Variants in CNOT4 observed in about 807,000 individuals in gnomAD.
CNOT4 encodes CCR4-associated factor 4.
Under a neutral mutation model 73.8 loss-of-function variants are expected in CNOT4, and 8 were observed. The observed-to-expected ratio is 0.11, with a 90% confidence interval of 0.06 to 0.20. The LOEUF (loss-of-function observed/expected upper bound fraction) is 0.20. Ranked by LOEUF, CNOT4 falls within the 10% of genes least tolerant of loss-of-function variation. The pLI is 1.00. For missense variants in CNOT4, 564 were observed against 883.4 expected (o/e 0.64, Z 4.58); for synonymous variants, 293 against 321.1 (o/e 0.91, Z 0.94).
At chr7:135,440,269 G>A (rs2129485419) in intron 1 of CNOT4, among the ~76,000 whole-genome samples, 2 of 140,890 alleles carry the variant, frequency 1.4e-5, no homozygotes, top group Non-Finnish European at 3.1e-5. Context: ...GTTCACAGAA[G>A]AATTACAAGT....
At chr7:135,446,438 A>C (rs918154276) in intron 1 of CNOT4, among the ~76,000 whole-genome samples, 8 of 152,224 alleles carry the variant, frequency 5.3e-5, no homozygotes, top group African/African-American at 1.7e-4. Flanking sequence ...TTTTGCCACA[A>C]TAAAAAAGTC....
rs1479025736 is a variant in CNOT4 at position 135,394,363 on chromosome 7, A to G, written c.1182T>C (p.Gly394=). The G allele has an allele frequency of 6.2e-7, 1 of 1,614,066 alleles. No individual in the cohort carries two copies. The highest frequency in any genetic ancestry group is 1.1e-5 in the South Asian group (1 of 91,072). ...STDWQAAFGF[G]SSKQPEDDLG... Reference sequence around the variant, plus strand: ...AGTCATCCTCTGGTTGTTTAGAAGAACCAAAGCCAAAAGCTGCTTGCCAGT... The same window carrying G: ...AGTCATCCTCTGGTTGTTTAGAAGAGCCAAAGCCAAAAGCTGCTTGCCAGT... Residue 394 remains glycine (G), a synonymous_variant, in exon 10 of 12, where the codon GGT becomes GGC. Transcript: ENST00000541284.
intron 1 of CNOT4, among the ~76,000 whole-genome samples, chr7:135,443,246 T>C (rs953336781): frequency 2.8e-4 from 42 of 150,900 alleles, no homozygotes; most frequent in African/African-American, 9.8e-4. Context: ...TCCCAGCTAC[T>C]TGGGAGGCTG....
rs1797694186 is a variant in CNOT4 at position 135,413,627 on chromosome 7, AG to A, written c.562-15del. The A allele has an allele frequency of 6.2e-7, 1 of 1,605,446 alleles. No homozygotes were observed. On this transcript the variant is annotated splice_polypyrimidine_tract_variant and intron_variant, in intron 5 of 11. Coordinates refer to ENST00000541284, the MANE Select transcript of CNOT4 (RefSeq NM_001190850.2). ...ACCTAGAGATGCCTGCAGGAGGAAGAGGGGTAAAGGAAAAGAAGACTCAATG... is the reference window on the plus strand; with the variant it reads ...ACCTAGAGATGCCTGCAGGAGGAAGAGGGTAAAGGAAAAGAAGACTCAATG...
intron 1 of CNOT4, among the ~76,000 whole-genome samples, chr7:135,479,556 G>A (rs542178673): frequency 8.8e-4 from 133 of 151,634 alleles, no homozygotes; most frequent in African/African-American, 3.1e-3. Flanking sequence ...AAATACTGGA[G>A]TTATTATTTA....
chr7:135,498,768 C>T (rs534852678), intron 1 of CNOT4, among the ~76,000 whole-genome samples: 3 of 152,186 alleles, frequency 2.0e-5, no homozygotes, highest in South Asian at 2.1e-4. Context: ...AGGCTGGTCT[C>T]GAACTCCTGA....
chr7:135,454,600 G>C (rs1037188383), intron 1 of CNOT4, among the ~76,000 whole-genome samples: 2 of 151,956 alleles, frequency 1.3e-5, no homozygotes, highest in African/African-American at 4.8e-5. Flanking sequence ...CTTGAGCCTG[G>C]GAAGTGGAAG....
intron 10 of CNOT4, among the ~76,000 whole-genome samples, chr7:135,391,992 C>T (rs1796427069): frequency 6.6e-6 from 1 of 152,026 alleles, no homozygotes; most frequent in African/African-American, 2.4e-5. Flanking sequence ...TTAAGAAGCA[C>T]CTCCTGTTAT....
intron 1 of CNOT4, among the ~76,000 whole-genome samples, chr7:135,485,466 A>C (rs1802657947): frequency 6.6e-6 from 1 of 152,220 alleles, no homozygotes; most frequent in African/African-American, 2.4e-5. Context: ...AAAACAAAAA[A>C]CAAGTAGAAT....
At position 135,394,418 on chromosome 7, in the gene CNOT4, G is replaced by T; in HGVS notation, c.1130-3C>A. 6.3e-7 allele frequency: 1 copy of T among 1,593,030 alleles called. No individual in the cohort carries two copies. Among genetic ancestry groups the T allele is most frequent in the Admixed American group, 1.8e-5 (1 of 56,422 alleles). On this transcript the variant is annotated splice_region_variant and splice_polypyrimidine_tract_variant and intron_variant, in intron 9 of 11. Transcript: ENST00000541284. ...AGAGGATGATACTGGGATTGTTTCT[G>T]TTGGGAAGAAAAATAGTGATGAATA...
intron 1 of CNOT4, among the ~76,000 whole-genome samples, chr7:135,490,671 G>A (rs1272455881): frequency 6.6e-6 from 1 of 152,206 alleles, no homozygotes; most frequent in East Asian, 1.9e-4. Flanking sequence ...CTCAAAGCCT[G>A]CCTTAAATGT....
intron 10 of CNOT4, among the ~76,000 whole-genome samples, chr7:135,379,681 C>T (rs1273880139): frequency 2.0e-5 from 3 of 152,058 alleles, no homozygotes; most frequent in Admixed American, 6.5e-5. Flanking sequence ...ATGGCTGTAA[C>T]CAAACATTCA....
At chr7:135,380,443 G>C (rs1795781865) in intron 10 of CNOT4, among the ~76,000 whole-genome samples, 1 of 152,174 alleles carries the variant, frequency 6.6e-6, no homozygotes, top group Non-Finnish European at 1.5e-5. Flanking sequence ...AAGAGTACCT[G>C]CAAGGTTACA....
intron 1 of CNOT4, among the ~76,000 whole-genome samples, chr7:135,499,689 A>G: frequency 6.6e-6 from 1 of 152,126 alleles, no homozygotes. Context: ...TTTGGCAGCT[A>G]TCACTGAAGA....
intron 7 of CNOT4, among the ~76,000 whole-genome samples, chr7:135,399,236 T>C (rs1206097250): frequency 3.3e-5 from 5 of 152,114 alleles, no homozygotes. Context: ...GGTGATTTTG[T>C]CATTGTGGAA....
chr7:135,438,057 T>C (rs1418793860), intron 2 of CNOT4, 101 bp downstream of exon 2: 1 of 613,490 alleles, frequency 1.6e-6, no homozygotes, highest in Non-Finnish European at 2.9e-6. Context: ...TATAATCAGG[T>C]GAGGTTTGCA....
chr7:135,405,373 A>G (rs941969153), intron 7 of CNOT4, among the ~76,000 whole-genome samples: 2 of 152,116 alleles, frequency 1.3e-5, no homozygotes, highest in Admixed American at 1.3e-4. Flanking sequence ...CATACCCCAC[A>G]ATTCTTGTAA....
At chr7:135,461,205 G>T (rs1800851342) in intron 1 of CNOT4, among the ~76,000 whole-genome samples, 1 of 151,932 alleles carries the variant, frequency 6.6e-6, no homozygotes, top group Non-Finnish European at 1.5e-5. Flanking sequence ...CTACATTTAA[G>T]AAATAAATTT....
chr7:135,442,051 A>T (rs1402975546), intron 1 of CNOT4, among the ~76,000 whole-genome samples: 1 of 152,210 alleles, frequency 6.6e-6, no homozygotes, highest in Non-Finnish European at 1.5e-5. Context: ...TGACTGACTC[A>T]CCTCTTTCAC....
Sources: gnomAD v4.1 joint callset for allele counts (sites outside exome capture counted in the v4.1 genomes callset) on GRCh38, gnomAD v4.1.1 for gene constraint, MANE v1.5 for transcripts, NCBI Gene and HGNC (gene_info 2026-07-23, HGNC 2026-07-21) for gene names.